CATSPERT: variants seen among roughly 807,000 people sequenced by gnomAD.
CATSPERT encodes the protein cation channel sperm-associated targeting subunit tau.
the CATSPERT span, among the ~76,000 whole-genome samples, chr2:201,587,261 G>A: frequency 0.87 from 132,396 of 152,026 alleles, 58,815 homozygotes; most frequent in South Asian, 0.98. Flanking sequence ...TTTTTTAATA[G>A]TCTTGTATTT....
At chr2:201,608,577 G>A in the CATSPERT span, among the ~76,000 whole-genome samples, 9 of 152,052 alleles carry the variant, frequency 5.9e-5, no homozygotes, top group Admixed American at 5.9e-4. Context: ...AGCACTTTGG[G>A]AGGCCAAGGT....
chr2:201,534,394 C>G, the CATSPERT span: 1 of 982,052 alleles, frequency 1.0e-6, no homozygotes, highest in African/African-American at 1.8e-5. Flanking sequence ...AAATAACTTA[C>G]TTATCAAGTG....
At chr2:201,536,027 T>C in the CATSPERT span, 4 of 1,613,044 alleles carry the variant, frequency 2.5e-6, no homozygotes, top group Non-Finnish European at 3.4e-6. Context: ...TTACCTCTGA[T>C]AGAGATGAGT....
the CATSPERT span, among the ~76,000 whole-genome samples, chr2:201,591,297 A>T: frequency 1.6e-3 from 241 of 152,098 alleles, 1 homozygote; most frequent in African/African-American, 5.3e-3. Context: ...ATAGTTGTAG[A>T]TATGTGGCGT....
the CATSPERT span, chr2:201,494,516 A>C: frequency 5.2e-6 from 8 of 1,536,812 alleles, no homozygotes; most frequent in African/African-American, 9.6e-5. Flanking sequence ...TCAGGGGCTA[A>C]CTTATTCTCA....
the CATSPERT span, among the ~76,000 whole-genome samples, chr2:201,507,405 T>C: frequency 5.3e-5 from 8 of 152,316 alleles, no homozygotes; most frequent in East Asian, 1.2e-3. Context: ...TATCAAACTA[T>C]ACCAATCTAT....
At chr2:201,500,171 T>C in the CATSPERT span, among the ~76,000 whole-genome samples, 43,595 of 151,702 alleles carry the variant, frequency 0.29, 6,622 homozygotes, top group Admixed American at 0.38. Flanking sequence ...CTAGACATAA[T>C]TGGAAGTTGT....
the CATSPERT span, among the ~76,000 whole-genome samples, chr2:201,520,990 G>A: frequency 6.6e-6 from 1 of 151,190 alleles, no homozygotes; most frequent in African/African-American, 2.4e-5. Context: ...CAATAAATTT[G>A]AAAACCTAGA....
chr2:201,600,789 T>G, the CATSPERT span, among the ~76,000 whole-genome samples: 1 of 152,036 alleles, frequency 6.6e-6, no homozygotes, highest in African/African-American at 2.4e-5. Context: ...TCCAGCTTTG[T>G]TGCCCAGGCT....
the CATSPERT span, among the ~76,000 whole-genome samples, chr2:201,517,579 A>G: frequency 1.3e-5 from 2 of 152,236 alleles, no homozygotes; most frequent in Non-Finnish European, 2.9e-5. Flanking sequence ...TAAGTCAGAA[A>G]GAGAGGACTA....
the CATSPERT span, chr2:201,495,927 G>A: frequency 6.3e-7 from 1 of 1,598,948 alleles, no homozygotes; most frequent in Non-Finnish European, 8.5e-7. Context: ...ATATATTCTG[G>A]TCTGAAAGAT....
At chr2:201,507,792 G>A in the CATSPERT span, among the ~76,000 whole-genome samples, 1 of 152,110 alleles carries the variant, frequency 6.6e-6, no homozygotes, top group East Asian at 1.9e-4. Context: ...GCATGACTGG[G>A]GGGGCCTCAG....
the CATSPERT span, among the ~76,000 whole-genome samples, chr2:201,589,821 C>A: frequency 6.6e-6 from 1 of 151,708 alleles, no homozygotes; most frequent in Admixed American, 6.6e-5. Flanking sequence ...AAACAGACAA[C>A]CTAAAGAATG....
chr2:201,510,031 A>C, the CATSPERT span, among the ~76,000 whole-genome samples: 1 of 150,940 alleles, frequency 6.6e-6, no homozygotes, highest in African/African-American at 2.5e-5. Flanking sequence ...TTAACTAGGA[A>C]TTCTAAGGGA....
the CATSPERT span, among the ~76,000 whole-genome samples, chr2:201,524,238 C>T: frequency 9.2e-5 from 14 of 152,128 alleles, no homozygotes; most frequent in Non-Finnish European, 1.9e-4. Context: ...GGCAGGTCAT[C>T]TACAAATGAA....
chr2:201,605,063 C>T, the CATSPERT span, among the ~76,000 whole-genome samples: 1 of 149,776 alleles, frequency 6.7e-6, no homozygotes, highest in African/African-American at 2.4e-5. Flanking sequence ...TATACATACA[C>T]ACACACACAC....
chr2:201,549,726 T>A, the CATSPERT span: 1 of 152,158 alleles, frequency 6.6e-6, no homozygotes, highest in Non-Finnish European at 1.5e-5. Context: ...AATCGTTTTC[T>A]TAATTAGCTC....
the CATSPERT span, chr2:201,565,717 T>C: frequency 6.6e-7 from 1 of 1,509,084 alleles, no homozygotes; most frequent in East Asian, 2.4e-5. Flanking sequence ...TTTTTTTTTT[T>C]TTTTTTTTTA....
chr2:201,503,050 GT>G, the CATSPERT span, among the ~76,000 whole-genome samples: 1 of 151,872 alleles, frequency 6.6e-6, no homozygotes, highest in East Asian at 1.9e-4. Flanking sequence ...TTCCTTTGGG[GT>G]TAATTATACC....
Sources: gnomAD v4.1 joint callset for allele counts (sites outside exome capture counted in the v4.1 genomes callset) on GRCh38, gnomAD v4.1.1 for gene constraint, MANE v1.5 for transcripts, NCBI Gene and HGNC (gene_info 2026-07-23, HGNC 2026-07-21) for gene names.